RPS6KC1: variants seen among roughly 807,000 people sequenced by gnomAD.
RPS6KC1 encodes inactive ribosomal protein S6 kinase delta-1.
Under a neutral mutation model 103.8 loss-of-function variants are expected in RPS6KC1, and 54 were observed. The observed-to-expected ratio is 0.52, with a 90% CI of 0.42 to 0.65. RPS6KC1 has a LOEUF of 0.65. Among genes scored for constraint, RPS6KC1 ranks in the 30% least tolerant of loss-of-function variants. The pLI is 0.00. For missense variants in RPS6KC1, 1,151 were observed against 1,253.8 expected, an observed-to-expected ratio of 0.92 and a Z score of 1.24; for synonymous variants, 439 against 438.7, an observed-to-expected ratio of 1.00 and a Z score of -0.01.
At chr1:213,546,561 G>A in the RPS6KC1 span, 6 of 152,136 alleles carry the variant, frequency 3.9e-5, no homozygotes. Flanking sequence ...GAGTCCTTGT[G>A]CAATATGAAA....
chr1:213,673,733 A>T, the RPS6KC1 span, among the ~76,000 whole-genome samples: 1 of 152,214 alleles, frequency 6.6e-6, no homozygotes, highest in Admixed American at 6.5e-5. Flanking sequence ...CTATAGCTCC[A>T]TTAGAATAGC....
the RPS6KC1 span, among the ~76,000 whole-genome samples, chr1:213,632,083 A>C: frequency 1.3e-5 from 2 of 152,320 alleles, no homozygotes; most frequent in African/African-American, 4.8e-5. Flanking sequence ...CCATAATATC[A>C]AGAGGTTTTT....
At chr1:213,417,399 C>T in the RPS6KC1 span, among the ~76,000 whole-genome samples, 4 of 152,156 alleles carry the variant, frequency 2.6e-5, no homozygotes, top group Non-Finnish European at 5.9e-5. Context: ...GGGCACAGCG[C>T]GGAGTTGCTG....
chr1:213,838,712 C>T, the RPS6KC1 span, among the ~76,000 whole-genome samples: 1 of 152,192 alleles, frequency 6.6e-6, no homozygotes, highest in Admixed American at 6.5e-5. Context: ...TGTGGAATGC[C>T]TCAGGAGCTG....
the RPS6KC1 span, among the ~76,000 whole-genome samples, chr1:213,409,709 C>T: frequency 6.6e-6 from 1 of 152,180 alleles, no homozygotes; most frequent in South Asian, 2.1e-4. Flanking sequence ...TCAATGGCTC[C>T]AATGTGTTTA....
At chr1:213,420,100 C>A in the RPS6KC1 span, among the ~76,000 whole-genome samples, 1 of 152,146 alleles carries the variant, frequency 6.6e-6, no homozygotes, top group South Asian at 2.1e-4. Context: ...CAGTATTTTC[C>A]TGGAGTTCCT....
chr1:213,437,499 G>A, the RPS6KC1 span, among the ~76,000 whole-genome samples: 1 of 151,984 alleles, frequency 6.6e-6, no homozygotes, highest in Non-Finnish European at 1.5e-5. Context: ...TGCTACCAAG[G>A]TTATACTGGT....
chr1:213,293,372 C>T, the RPS6KC1 span, among the ~76,000 whole-genome samples: 2 of 151,876 alleles, frequency 1.3e-5, no homozygotes, highest in African/African-American at 4.8e-5. Flanking sequence ...CTGCTTTTTC[C>T]CCCTTTCTCT....
At chr1:213,785,523 G>A in the RPS6KC1 span, among the ~76,000 whole-genome samples, 34 of 151,314 alleles carry the variant, frequency 2.2e-4, no homozygotes, top group East Asian at 6.0e-3. Context: ...TACAGCAAGG[G>A]CCAATAGTTT....
intron 1 of RPS6KC1, among the ~76,000 whole-genome samples, chr1:213,064,277 G>C (rs1348129550): frequency 6.6e-6 from 1 of 151,996 alleles, no homozygotes; most frequent in African/African-American, 2.4e-5. Context: ...GGTTAGTCTT[G>C]AACTTGTGAC....
chr1:213,778,242 A>T, the RPS6KC1 span, among the ~76,000 whole-genome samples: 3 of 152,228 alleles, frequency 2.0e-5, no homozygotes, highest in South Asian at 4.1e-4. Context: ...TCACAATGAA[A>T]GTATTTGATC....
At chr1:213,507,078 A>G in the RPS6KC1 span, among the ~76,000 whole-genome samples, 1 of 152,178 alleles carries the variant, frequency 6.6e-6, no homozygotes, top group South Asian at 2.1e-4. Flanking sequence ...CCCCTAGTAA[A>G]TTGATAAATC....
chr1:213,150,245 G>T (rs2088509551), intron 6 of RPS6KC1, among the ~76,000 whole-genome samples: 1 of 151,796 alleles, frequency 6.6e-6, no homozygotes, highest in Non-Finnish European at 1.5e-5. Flanking sequence ...TCTAGTGAAG[G>T]TGATAGGATT....
the RPS6KC1 span, among the ~76,000 whole-genome samples, chr1:213,782,793 G>T: frequency 2.6e-5 from 4 of 152,188 alleles, no homozygotes; most frequent in South Asian, 6.2e-4. Context: ...GGCCAAAGAA[G>T]TGGCTGCTCA....
At chr1:213,169,929 A>G (rs373454578) in intron 7 of RPS6KC1, among the ~76,000 whole-genome samples, 1 of 151,858 alleles carries the variant, frequency 6.6e-6, no homozygotes, top group Non-Finnish European at 1.5e-5. Flanking sequence ...CTACAGGCGC[A>G]TGCCACTATG....
chr1:213,289,001 C>T, the RPS6KC1 span, among the ~76,000 whole-genome samples: 6 of 152,050 alleles, frequency 3.9e-5, no homozygotes. Context: ...GCTGCTGCTT[C>T]AGGTTTCCGA....
the RPS6KC1 span, among the ~76,000 whole-genome samples, chr1:213,558,523 C>A: frequency 6.6e-6 from 1 of 152,210 alleles, no homozygotes; most frequent in East Asian, 1.9e-4. Context: ...TGACTTCCTT[C>A]TTTCACAAAC....
intron 6 of RPS6KC1, among the ~76,000 whole-genome samples, chr1:213,136,598 G>C (rs552428664): frequency 6.6e-6 from 1 of 152,202 alleles, no homozygotes; most frequent in South Asian, 2.1e-4. Flanking sequence ...TCTCTTACAT[G>C]TTTCTTAGAT....
chr1:213,145,476 C>T (rs1370868452), intron 6 of RPS6KC1, among the ~76,000 whole-genome samples: 2 of 152,056 alleles, frequency 1.3e-5, no homozygotes, highest in Non-Finnish European at 2.9e-5. Context: ...CTGGAATATA[C>T]ACAGAGTACT....
Sources: gnomAD v4.1 joint callset for allele counts (sites outside exome capture counted in the v4.1 genomes callset) on GRCh38, gnomAD v4.1.1 for gene constraint, MANE v1.5 for transcripts, NCBI Gene and HGNC (gene_info 2026-07-23, HGNC 2026-07-21) for gene names.